The following SUSD6 variants were observed in gnomAD, a reference collection of about 807,000 sequenced individuals.
SUSD6 encodes sushi domain containing 6.
Under a neutral mutation model 28.4 loss-of-function variants are expected in SUSD6, and 16 were observed. The observed-to-expected ratio is 0.56, with a 90% CI of 0.38 to 0.86. SUSD6 has a LOEUF of 0.86. Among genes scored for constraint, SUSD6 ranks in the 40% least tolerant of loss-of-function variants. The pLI is 0.00. For missense variants in SUSD6, 341 were observed against 384.2 expected, an observed-to-expected ratio of 0.89 and a Z score of 0.94; for synonymous variants, 147 against 159.6, an observed-to-expected ratio of 0.92 and a Z score of 0.59.
intron 3 of SUSD6, chr14:69,703,902 C>A: frequency 2.3e-6 from 1 of 444,382 alleles, no homozygotes; most frequent in Admixed American, 3.7e-5. Context: ...ACAGTGAGCA[C>A]AATGCTAATA....
chr14:69,696,163 G>T (rs1025191033), intron 2 of SUSD6, among the ~76,000 whole-genome samples: 1 of 152,220 alleles, frequency 6.6e-6, no homozygotes, highest in African/African-American at 2.4e-5. Context: ...TTAACTGAGT[G>T]GTCAGGCTTG....
chr14:69,631,033 G>T (rs796470611), intron 1 of SUSD6, among the ~76,000 whole-genome samples: 8 of 152,350 alleles, frequency 5.3e-5, no homozygotes, highest in Non-Finnish European at 8.8e-5. Flanking sequence ...CAATTCAGGG[G>T]ACTTAACCAT....
intron 4 of SUSD6, among the ~76,000 whole-genome samples, chr14:69,706,460 C>CT (rs1480312657): frequency 1.3e-5 from 2 of 151,902 alleles, no homozygotes; most frequent in Non-Finnish European, 2.9e-5. Flanking sequence ...ACACTGCTTT[C>CT]TTTTTTTTCT....
intron 1 of SUSD6, among the ~76,000 whole-genome samples, chr14:69,632,000 C>T (rs1182015928): frequency 1.3e-5 from 2 of 152,184 alleles, no homozygotes; most frequent in Non-Finnish European, 2.9e-5. Flanking sequence ...CTTCTTCATT[C>T]TGGGCTTTTT....
At position 69,708,928 on chromosome 14, in the gene SUSD6, G is replaced by A. The variant is rs749557531; in HGVS notation, c.710G>A (p.Gly237Glu). The A allele has an allele frequency of 2.6e-5, 42 of 1,614,064 alleles. No individual in the cohort carries two copies. The highest frequency in any genetic ancestry group is 3.6e-5 in the Non-Finnish European group (42 of 1,180,052). ...GGEDEAPGQS[G>E]LCEAWGSRAS... is the part of the protein sequence containing the mutation. Reference sequence around the variant, plus strand: ...GAAGATGAGGCCCCAGGCCAGTCTGGACTATGTGAAGCCTGGGGCTCTCGG... The same window carrying A: ...GAAGATGAGGCCCCAGGCCAGTCTGAACTATGTGAAGCCTGGGGCTCTCGG... Residue 237 changes from glycine (G) to glutamate (E), a missense_variant, in exon 5 of 6, where the codon GGA becomes GAA. Transcript: ENST00000342745.
At position 69,648,168 on chromosome 14, in the gene SUSD6, A is replaced by C. The variant is rs148037113; in HGVS notation, c.-80-10345A>C. ...ACAGGCACTATGCTATGTACTTTAT[A>C]TATATTTCCCCATATAATACTTAAA... On this transcript the variant is annotated intron_variant, in intron 1 of 5. Coordinates refer to ENST00000342745, the MANE Select transcript of SUSD6 (RefSeq NM_014734.4). 5.6e-4 allele frequency among the ~76,000 whole-genome samples: 86 copies of C among 152,340 alleles called. 2 individuals are homozygous for C. In the South Asian group the frequency reaches 0.018, roughly 31 times the overall value.
chr14:69,678,493 A>C (rs1310201399), intron 2 of SUSD6, among the ~76,000 whole-genome samples: 1 of 152,138 alleles, frequency 6.6e-6, no homozygotes, highest in East Asian at 1.9e-4. Flanking sequence ...GGGCGACTCC[A>C]GTTGTTCACT....
At chr14:69,704,059 C>T (rs75963264) in intron 3 of SUSD6, among the ~76,000 whole-genome samples, 5,216 of 152,288 alleles carry the variant, frequency 0.034, 309 homozygotes, top group African/African-American at 0.12. Context: ...ATATAACCAT[C>T]TTTGTGCTTC....
At chr14:69,670,577 G>C (rs772451359) in intron 2 of SUSD6, 1 of 450,120 alleles carries the variant, frequency 2.2e-6, no homozygotes, top group Non-Finnish European at 4.5e-6. Context: ...CCTTGGGCCA[G>C]ACACGCTGGT....
At chr14:69,619,732 C>G (rs1427111253) in intron 1 of SUSD6, among the ~76,000 whole-genome samples, 2 of 152,154 alleles carry the variant, frequency 1.3e-5, no homozygotes, top group African/African-American at 4.8e-5. Flanking sequence ...GATGGTGCCA[C>G]TGTACTCCAG....
At chr14:69,697,729 T>A (rs1199050277) in intron 2 of SUSD6, among the ~76,000 whole-genome samples, 1 of 152,226 alleles carries the variant, frequency 6.6e-6, no homozygotes, top group South Asian at 2.1e-4. Flanking sequence ...ACTCTTTTTC[T>A]TCTTTGCCTC....
chr14:69,613,146 G>T (rs865923103), intron 1 of SUSD6, among the ~76,000 whole-genome samples: 1 of 152,192 alleles, frequency 6.6e-6, no homozygotes, highest in Non-Finnish European at 1.5e-5. Flanking sequence ...AATATGGAAA[G>T]GTTCTTGAGG....
intron 2 of SUSD6, among the ~76,000 whole-genome samples, chr14:69,681,745 A>G (rs1886000191): frequency 6.6e-6 from 1 of 152,216 alleles, no homozygotes. Flanking sequence ...CTCACATTGC[A>G]GTGATCATGG....
intron 2 of SUSD6, among the ~76,000 whole-genome samples, chr14:69,673,721 T>C (rs1885866927): frequency 6.6e-6 from 1 of 152,184 alleles, no homozygotes; most frequent in Non-Finnish European, 1.5e-5. Context: ...CAGTGAGTTC[T>C]AAAAGTCTGC....
At chr14:69,695,436 G>A (rs1392378489) in intron 2 of SUSD6, among the ~76,000 whole-genome samples, 1 of 152,258 alleles carries the variant, frequency 6.6e-6, no homozygotes, top group African/African-American at 2.4e-5. Context: ...GAGAGGTAGT[G>A]AGGCCCGCCA....
intron 2 of SUSD6, among the ~76,000 whole-genome samples, chr14:69,692,551 T>C (rs1439797125): frequency 6.6e-6 from 1 of 152,196 alleles, no homozygotes; most frequent in Non-Finnish European, 1.5e-5. Context: ...GATAACACTT[T>C]TAAAGTACCA....
At chr14:69,654,894 A>G (rs1429350853) in intron 1 of SUSD6, among the ~76,000 whole-genome samples, 1 of 148,566 alleles carries the variant, frequency 6.7e-6, no homozygotes, top group Non-Finnish European at 1.5e-5. Flanking sequence ...TCCTGGGTTC[A>G]AGCGATTCTC....
At chr14:69,692,237 C>T (rs1411043061) in intron 2 of SUSD6, among the ~76,000 whole-genome samples, 2 of 152,134 alleles carry the variant, frequency 1.3e-5, no homozygotes, top group African/African-American at 4.8e-5. Flanking sequence ...TGAACTGAGT[C>T]CTCTGGGCAC....
chr14:69,679,254 C>T (rs974571172), intron 2 of SUSD6, among the ~76,000 whole-genome samples: 9 of 152,304 alleles, frequency 5.9e-5, no homozygotes, highest in African/African-American at 1.7e-4. Flanking sequence ...TGCTATATTA[C>T]ATACTAAGAT....
Sources: gnomAD v4.1 joint callset for allele counts (sites outside exome capture counted in the v4.1 genomes callset) on GRCh38, gnomAD v4.1.1 for gene constraint, MANE v1.5 for transcripts, NCBI Gene and HGNC (gene_info 2026-07-23, HGNC 2026-07-21) for gene names.